The following UQCR10 variants were observed in gnomAD, a reference collection of about 807,000 sequenced individuals.
UQCR10 encodes ubiquinol-cytochrome c reductase, complex III subunit X.
In UQCR10, 5 loss-of-function variants were observed where a neutral mutation model predicts 6.0. The observed-to-expected ratio is 0.83, with a 90% CI of 0.43 to 1.74. UQCR10 has a LOEUF of 1.74. Ranked by LOEUF, UQCR10 falls within the 40% of genes most tolerant of loss-of-function variation. The pLI, the probability that UQCR10 is intolerant of heterozygous loss-of-function variation, is 0.02. For synonymous variants in UQCR10, 40 were observed against 37.4 expected (o/e 1.07, Z -0.26); for missense variants, 101 against 85.1 (o/e 1.19, Z -0.74).
At position 29,770,238 on chromosome 22, in the gene UQCR10, A is replaced by C. The variant is rs1006501189; in HGVS notation, c.*519A>C. Reference sequence around the variant, plus strand: ...AGACCCTGGCCTAGGGGTCTTAGCCACTCCCCACCCTAGGGTATAGTTCAG... The same window carrying C: ...AGACCCTGGCCTAGGGGTCTTAGCCCCTCCCCACCCTAGGGTATAGTTCAG... On this transcript the variant is annotated 3_prime_UTR_variant, in exon 2 of 2. Coordinates refer to ENST00000330029, the MANE Select transcript of UQCR10 (RefSeq NM_013387.4). 16 of 337,968 alleles carry C rather than the reference A, an allele frequency of 4.7e-5. No individual in the cohort carries two copies. In the East Asian group the frequency reaches 8.3e-4, roughly 18 times the overall value. The allele number at this position is 337,968 out of a possible 1,614,324, so 20.9% of individuals were successfully genotyped here. A position where few individuals can be genotyped will look rare whatever the true frequency, so the allele number is the denominator to read the frequency against.
At position 29,769,626 on chromosome 22, in the gene UQCR10, A is replaced by G; in HGVS notation, c.151-52A>G. On this transcript the variant is annotated intron_variant, in intron 1 of 1. Coordinates refer to ENST00000330029, the MANE Select transcript of UQCR10 (RefSeq NM_013387.4). ...AGACCAGGGCAGTGGGAGTAGTTGTAAAATGTGAGAGGCAAAGGTCAAAGT... is the reference window on the plus strand; with the variant it reads ...AGACCAGGGCAGTGGGAGTAGTTGTGAAATGTGAGAGGCAAAGGTCAAAGT... 3.3e-6 allele frequency: 5 copies of G among 1,513,694 alleles called. No homozygotes were observed. The South Asian group carries it at 4.8e-5, about 14-fold the overall frequency. The allele number at this position is 1,513,694 out of a possible 1,614,324, so 93.8% of individuals were successfully genotyped here. A position where few individuals can be genotyped will look rare whatever the true frequency, so the allele number is the denominator to read the frequency against.
chr22:29,767,846 C>G (rs140135), intron 1 of UQCR10, among the ~76,000 whole-genome samples: 120,521 of 152,150 alleles, frequency 0.79, 48,447 homozygotes, highest in African/African-American at 0.94. Flanking sequence ...GACTTACTAG[C>G]TGCACAGGAA....
In UQCR10 at chr22:29,769,717, T is replaced by A. The variant is rs1331976872; in HGVS notation, c.190T>A (p.Ter64LysextTer59). 2.5e-6 allele frequency: 4 copies of A among 1,608,016 alleles called. No individual in the cohort carries two copies. The highest frequency in any genetic ancestry group is 1.7e-6 in the Non-Finnish European group (2 of 1,177,410). Residue 64 changes from the stop codon to lysine (K), a stop_lost, in exon 2 of 2, where the codon TAG becomes AAG. Coordinates refer to ENST00000330029, the MANE Select transcript of UQCR10 (RefSeq NM_013387.4). ...KHIKHKYENK[*>K] ...CATCAAGCACAAGTATGAGAACAAG[T>A]AGTTCCTTGGAGGCCCCCATCCAGG...
rs1416548025 is a variant in UQCR10 at position 29,767,410 on chromosome 22, G to A, written c.12G>A (p.Ala4=). 3 of 1,612,888 alleles carry A rather than the reference G, an allele frequency of 1.9e-6. No individual in the cohort carries two copies. Among genetic ancestry groups the A allele is most frequent in the East Asian group, 2.2e-5 (1 of 44,854 alleles). The stretch of plus-strand genomic sequence containing the variant: ...GACTGTGAAGAAACATGGCGGCCGC[G>A]ACGTTGACTTCGAAATTGTACTCCC... MAA[A]TLTSKLYSLL... Residue 4 remains alanine, a synonymous_variant, in exon 1 of 2, where the codon GCG becomes GCA. Coordinates refer to ENST00000330029, the MANE Select transcript of UQCR10 (RefSeq NM_013387.4).
chr22:29,767,655 A>G (rs772569226), intron 1 of UQCR10, 107 bp downstream of exon 1: 2 of 1,435,214 alleles, frequency 1.4e-6, no homozygotes, highest in Non-Finnish European at 1.9e-6. Context: ...GTAAGGGGTA[A>G]ACCGTCGGCG....
At position 29,769,718 on chromosome 22, in the gene UQCR10, A is replaced by C; in HGVS notation, c.191A>C (p.Ter64SerextTer59). The C allele has an allele frequency of 1.2e-6, 2 of 1,607,600 alleles. No individual in the cohort carries two copies. Among genetic ancestry groups the C allele is most frequent in the South Asian group, 2.2e-5 (2 of 89,480 alleles). ...KHIKHKYENK[*>S] is the part of the protein sequence containing the mutation. Reference sequence around the variant, plus strand: ...ATCAAGCACAAGTATGAGAACAAGTAGTTCCTTGGAGGCCCCCATCCAGGC... The same window carrying C: ...ATCAAGCACAAGTATGAGAACAAGTCGTTCCTTGGAGGCCCCCATCCAGGC... Residue 64 changes from the stop codon to serine (S), a stop_lost, in exon 2 of 2, where the codon TAG becomes TCG. Coordinates refer to ENST00000330029, the MANE Select transcript of UQCR10 (RefSeq NM_013387.4).
chr22:29,769,491 C>T (rs993607915), intron 1 of UQCR10, among the ~76,000 whole-genome samples, 187 bp from the exon 2 acceptor site: 5 of 151,764 alleles, frequency 3.3e-5, no homozygotes, highest in Admixed American at 2.6e-4. Context: ...AGCGAGTCTC[C>T]GTCTCAAAAA....
intron 1 of UQCR10, among the ~76,000 whole-genome samples, chr22:29,769,358 C>T (rs906853167): frequency 3.9e-5 from 6 of 151,982 alleles, no homozygotes; most frequent in Admixed American, 3.3e-4. Flanking sequence ...AAAAATTAGC[C>T]GGGTAGCGCA....
chr22:29,767,515 C>T lies in UQCR10; in HGVS notation c.117C>T (p.Gly39=), dbSNP rs2068230316. 6.2e-7 allele frequency: 1 copy of T among 1,613,968 alleles called. No individual in the cohort carries two copies. The highest frequency in any genetic ancestry group is 1.6e-4 in the Middle Eastern group (1 of 6,062). The change falls in exon 1 of 2, where the codon GGC becomes GGT. Residue 39 remains glycine (G), a synonymous_variant. Transcript: ENST00000330029. ...TCTTCGAGCGCGCCTTCGATCAAGG[C>T]GCGGACGCTATCTACGACCACATCA... ...VMFFERAFDQ[G]ADAIYDHINE...
rs570589614 is a variant in UQCR10 at position 29,768,391 on chromosome 22, T to G, written c.150+843T>G. Among the ~76,000 whole-genome samples, 5 of 152,308 alleles carry G rather than the reference T, an allele frequency of 3.3e-5. No homozygotes were observed. The East Asian group carries it at 9.6e-4, about 29-fold the overall frequency. ...TGTGCTGGAGTAGGCCTTATACATATAGCCCTGTTCCACCACTCACTTGTG... is the reference window on the plus strand; with the variant it reads ...TGTGCTGGAGTAGGCCTTATACATAGAGCCCTGTTCCACCACTCACTTGTG... On this transcript the variant is annotated intron_variant, in intron 1 of 1. Coordinates refer to ENST00000330029, the MANE Select transcript of UQCR10 (RefSeq NM_013387.4).
At chr22:29,769,595 T>C in intron 1 of UQCR10, 83 bp from the exon 2 acceptor site, 1 of 1,466,180 alleles carries the variant, frequency 6.8e-7, no homozygotes, top group Non-Finnish European at 9.3e-7. Flanking sequence ...CCCAAGCTCA[T>C]TTTAGAGACC....
Position 29,769,947 on chromosome 22 carries a change from C to A in UQCR10, c.*228C>A. ...AAATAAATGTGAATTGCCCTTGAGA[C>A]CTGCTTCTACATTGGTTGCTTTGTT... On this transcript the variant is annotated 3_prime_UTR_variant, in exon 2 of 2. Coordinates refer to ENST00000330029, the MANE Select transcript of UQCR10 (RefSeq NM_013387.4). The A allele has an allele frequency of 4.6e-6, 3 of 655,084 alleles. No homozygotes were observed. The highest frequency in any genetic ancestry group is 8.5e-6 in the Non-Finnish European group (3 of 352,984). 40.6% of individuals were successfully genotyped at this position (655,084 alleles called of 1,614,324 possible).
intron 1 of UQCR10, among the ~76,000 whole-genome samples, chr22:29,768,595 A>G (rs1235679537): frequency 6.6e-6 from 1 of 151,812 alleles, no homozygotes; most frequent in African/African-American, 2.4e-5. Context: ...GTATGTTGTT[A>G]TAACTCACCC....
At chr22:29,769,188 G>A (rs967170399) in intron 1 of UQCR10, among the ~76,000 whole-genome samples, 5 of 152,068 alleles carry the variant, frequency 3.3e-5, no homozygotes, top group Admixed American at 3.3e-4. Flanking sequence ...AAGCATCATA[G>A]TATTTTATAA....
chr22:29,769,446 G>A (rs1019497594), intron 1 of UQCR10, among the ~76,000 whole-genome samples: 5 of 152,092 alleles, frequency 3.3e-5, no homozygotes, highest in Non-Finnish European at 5.9e-5. Flanking sequence ...GCAGTGAGCC[G>A]AGATTGCGCC....
At chr22:29,769,187 A>G (rs1470350617) in intron 1 of UQCR10, among the ~76,000 whole-genome samples, 1 of 152,128 alleles carries the variant, frequency 6.6e-6, no homozygotes. Context: ...AAAGCATCAT[A>G]GTATTTTATA....
chr22:29,769,645 T>G, intron 1 of UQCR10, 33 bp from the exon 2 acceptor site: 5 of 1,442,914 alleles, frequency 3.5e-6, no homozygotes, highest in Non-Finnish European at 3.8e-6. Flanking sequence ...GAGGCAAAGG[T>G]CAAAGTTTGT....
intron 1 of UQCR10, among the ~76,000 whole-genome samples, chr22:29,767,985 G>A (rs1245587723): frequency 6.6e-6 from 1 of 152,164 alleles, no homozygotes; most frequent in Non-Finnish European, 1.5e-5. Flanking sequence ...TTCAGACGGC[G>A]CTTCTGGTCC....
At chr22:29,767,590 G>C (rs1296394749) in intron 1 of UQCR10, 42 bp downstream of exon 1, 1 of 1,602,818 alleles carries the variant, frequency 6.2e-7, no homozygotes, top group Non-Finnish European at 8.5e-7. Context: ...CCGCCTGAGG[G>C]GTGACAGTGG....
Sources: allele counts gnomAD v4.1 joint callset (sites outside exome capture counted in the v4.1 genomes callset), GRCh38; gene constraint gnomAD v4.1.1; transcripts MANE v1.5; gene names NCBI Gene and HGNC (gene_info 2026-07-23, HGNC 2026-07-21).